PIK3C3: variants seen among roughly 807,000 people sequenced by gnomAD.
PIK3C3 encodes phosphatidylinositol 3-kinase catalytic subunit type 3.
A neutral mutation model predicts 126.1 loss-of-function variants in PIK3C3; 95 were observed. The ratio of observed to expected loss-of-function variants is 0.75; its 90% confidence interval spans 0.64 to 0.89. The LOEUF (loss-of-function observed/expected upper bound fraction) is 0.89. Ranked by LOEUF, PIK3C3 falls within the 40% of genes least tolerant of loss-of-function variation. The pLI, the probability that PIK3C3 is intolerant of heterozygous loss-of-function variation, is 0.00. For missense variants in PIK3C3, 829 were observed against 1,063.2 expected, an observed-to-expected ratio of 0.78 and a Z score of 3.06; for synonymous variants, 374 against 360.0, an observed-to-expected ratio of 1.04 and a Z score of -0.44.
chr18:42,053,690 T>C (rs1364811439), intron 21 of PIK3C3, among the ~76,000 whole-genome samples: 1 of 152,166 alleles, frequency 6.6e-6, no homozygotes, highest in Non-Finnish European at 1.5e-5. Context: ...AAACATGGTT[T>C]GAGTTTATCC....
chr18:42,044,066 C>T (rs553895550), intron 20 of PIK3C3, among the ~76,000 whole-genome samples: 1 of 152,272 alleles, frequency 6.6e-6, no homozygotes, highest in African/African-American at 2.4e-5. Flanking sequence ...CACAGTTTAT[C>T]TCTTCCTGGA....
chr18:42,027,586 A>T, intron 14 of PIK3C3, 38 bp downstream of exon 14: 1 of 1,208,344 alleles, frequency 8.3e-7, no homozygotes, highest in Non-Finnish European at 1.2e-6. Context: ...ACTGCAGCAC[A>T]TGGGCCAAAT....
Position 42,043,786 on chromosome 18 carries a change from T to G in PIK3C3, c.2157T>G (p.Ala719=). 1.9e-6 allele frequency: 3 copies of G among 1,613,322 alleles called. No homozygotes were observed. The highest frequency in any genetic ancestry group is 2.5e-6 in the Non-Finnish European group (3 of 1,179,370). Residue 719 remains alanine (A), a synonymous_variant, in exon 20 of 25, where the codon GCT becomes GCG. Transcript: ENST00000262039. ...PSENGPNGIS[A]EVMDTYVKSC... The stretch of plus-strand genomic sequence containing the variant: ...AGAATGGGCCAAATGGGATTAGTGC[T>G]GAGGTCATGGACACTTACGTTAAAA...
intron 11 of PIK3C3, among the ~76,000 whole-genome samples, chr18:42,014,058 G>A (rs1040295653): frequency 6.6e-6 from 1 of 151,664 alleles, no homozygotes; most frequent in Non-Finnish European, 1.5e-5. Context: ...TGTAATCCTA[G>A]CACTTTAAAG....
chr18:41,957,783 A>T, intron 2 of PIK3C3, 25 bp downstream of exon 2: 1 of 1,577,000 alleles, frequency 6.3e-7, no homozygotes, highest in Non-Finnish European at 8.7e-7. Context: ...GGCATATGGT[A>T]TGTTACAGAC....
chr18:42,033,179 T>C (rs1983904983), intron 15 of PIK3C3, among the ~76,000 whole-genome samples: 1 of 152,212 alleles, frequency 6.6e-6, no homozygotes, highest in Non-Finnish European at 1.5e-5. Context: ...GAAGGGGTTC[T>C]TCTAAATAGT....
chr18:42,055,559 GA>G (rs1285116406), intron 21 of PIK3C3, among the ~76,000 whole-genome samples: 1 of 152,010 alleles, frequency 6.6e-6, no homozygotes, highest in Non-Finnish European at 1.5e-5. Context: ...GCATTTTATG[GA>G]AAAAATGGTA....
intron 21 of PIK3C3, among the ~76,000 whole-genome samples, chr18:42,053,759 G>A (rs1051101016): frequency 1.3e-5 from 2 of 152,002 alleles, no homozygotes; most frequent in African/African-American, 4.8e-5. Flanking sequence ...TGAGGAAAGA[G>A]GGGAAGGCAG....
Position 42,015,517 on chromosome 18 carries a change from C to A in PIK3C3, c.1367C>A (p.Pro456His). ...AGCCCCCTTCCTTCAGTCTCTTCAC[C>A]TCCTCCTGCATCAAAAACAAAAGAA... The part of the protein sequence containing the change: ...ITSPLPSVSS[P>H]PPASKTKEVP... The change falls in exon 12 of 25, where the codon CCT becomes CAT. Residue 456 changes from proline to histidine, a missense_variant. By Grantham distance (77) the Pro-to-His change is moderately conservative. Around this residue, in one of 4 missense-constraint regions of PIK3C3, gnomAD observed 256 missense variants for 291.0 expected, o/e 0.88. Transcript: ENST00000262039. 1 of 1,613,702 alleles carries A rather than the reference C, an allele frequency of 6.2e-7. No individual in the cohort carries two copies. The highest frequency in any genetic ancestry group is 8.5e-7 in the Non-Finnish European group (1 of 1,179,832).
At position 42,002,607 on chromosome 18, in the gene PIK3C3, A is replaced by G. The variant is rs565817233; in HGVS notation, c.985-1749A>G. Among the ~76,000 whole-genome samples, 4 of 152,316 alleles carry G rather than the reference A, an allele frequency of 2.6e-5. No individual in the cohort carries two copies. In the South Asian group the frequency reaches 6.2e-4, roughly 24 times the overall value. On this transcript the variant is annotated intron_variant, in intron 9 of 24. Transcript: ENST00000262039. ...ACAAAAATGGCTTAGCTTTCTATGAATATAATGGCTATTTTGGAAATTAGT... is the reference window on the plus strand; with the variant it reads ...ACAAAAATGGCTTAGCTTTCTATGAGTATAATGGCTATTTTGGAAATTAGT...
Position 42,009,975 on chromosome 18 carries a change from A to G in PIK3C3, c.1171-3467A>G, listed in dbSNP as rs75422686. ...TGTGGCAGTTTCCTAAAATAAAACG[A>G]ACGTAAACTTTGCCACACCCATTGA... On this transcript the variant is annotated intron_variant, in intron 10 of 24. Transcript: ENST00000262039. Among the ~76,000 whole-genome samples, 37 of 152,322 alleles carry G rather than the reference A, an allele frequency of 2.4e-4. No individual in the cohort carries two copies. The East Asian group carries it at 7.0e-3, about 29-fold the overall frequency.
chr18:42,006,139 C>T (rs991181842), intron 10 of PIK3C3, among the ~76,000 whole-genome samples: 1 of 151,072 alleles, frequency 6.6e-6, no homozygotes, highest in Non-Finnish European at 1.5e-5. Context: ...GAATGACTCA[C>T]AAAACTCAGG....
At chr18:42,063,890 C>T (rs372527393) in intron 22 of PIK3C3, among the ~76,000 whole-genome samples, 11 of 152,156 alleles carry the variant, frequency 7.2e-5, no homozygotes, top group East Asian at 3.9e-4. Context: ...CTAAAACCAA[C>T]GCTTTCCTTA....
chr18:42,074,402 A>G (rs1985896293), intron 24 of PIK3C3, among the ~76,000 whole-genome samples: 1 of 152,092 alleles, frequency 6.6e-6, no homozygotes, highest in Admixed American at 6.5e-5. Flanking sequence ...TCTTGATTTC[A>G]GGTGAACAGA....
chr18:41,996,585 A>G, intron 8 of PIK3C3, 53 bp from the exon 9 acceptor site: 2 of 775,204 alleles, frequency 2.6e-6, no homozygotes, highest in Non-Finnish European at 4.3e-6. Flanking sequence ...AAATGGAAAT[A>G]TATAGGACAT....
chr18:41,955,605 G>C (rs1006560037), intron 1 of PIK3C3, among the ~76,000 whole-genome samples: 2 of 152,204 alleles, frequency 1.3e-5, no homozygotes, highest in African/African-American at 4.8e-5. Flanking sequence ...AAGTTCCGCT[G>C]TATTTTACAG....
intron 3 of PIK3C3, among the ~76,000 whole-genome samples, chr18:41,963,211 T>G (rs183802972): frequency 1.3e-5 from 2 of 152,318 alleles, no homozygotes; most frequent in Admixed American, 6.5e-5. Flanking sequence ...CATTTACTAA[T>G]AGGAATTTTT....
intron 4 of PIK3C3, among the ~76,000 whole-genome samples, chr18:41,982,138 C>T (rs1486061095): frequency 1.3e-5 from 2 of 152,070 alleles, no homozygotes. Flanking sequence ...TAATTTAGCT[C>T]AGTTCTATTT....
At chr18:42,004,112 TA>T (rs1982423294) in intron 9 of PIK3C3, among the ~76,000 whole-genome samples, 1 of 152,128 alleles carries the variant, frequency 6.6e-6, no homozygotes, top group South Asian at 2.1e-4. Flanking sequence ...CAAAACAAAT[TA>T]AAAAATTCAT....
Sources: allele counts gnomAD v4.1 joint callset (sites outside exome capture counted in the v4.1 genomes callset), GRCh38; gene constraint gnomAD v4.1.1; regional missense constraint gnomAD v4.1.1; transcripts MANE v1.5; gene names NCBI Gene and HGNC (gene_info 2026-07-23, HGNC 2026-07-21).